PTPRN2: variants seen among roughly 807,000 people sequenced by gnomAD.
The protein encoded by PTPRN2 is protein tyrosine phosphatase receptor type N2.
In PTPRN2, 74 loss-of-function variants were observed where a neutral mutation model predicts 118.8. That is an observed-to-expected ratio of 0.62 (90% CI 0.52 to 0.76). PTPRN2 has a LOEUF of 0.76. Among genes scored for constraint, PTPRN2 ranks in the 30% least tolerant of loss-of-function variants. PTPRN2 has a pLI of 0.00. For synonymous variants in PTPRN2, 641 were observed against 608.0 expected, an observed-to-expected ratio of 1.05 and a Z score of -0.80; for missense variants, 1,481 against 1,394.4, an observed-to-expected ratio of 1.06 and a Z score of -0.99.
intron 1 of PTPRN2, among the ~76,000 whole-genome samples, chr7:158,499,992 C>A (rs1040353734): frequency 6.9e-6 from 1 of 145,390 alleles, no homozygotes; most frequent in African/African-American, 2.6e-5. Context: ...AAGACAAAAA[C>A]TGCTTCCTGG....
intron 13 of PTPRN2, chr7:157,669,424 C>T (rs1030493193): frequency 3.8e-5 from 16 of 417,836 alleles, no homozygotes; most frequent in African/African-American, 2.6e-4. Context: ...TGTTTGCACG[C>T]GCACACACAC....
chr7:157,851,529 C>T (rs1809274179), intron 12 of PTPRN2, among the ~76,000 whole-genome samples: 1 of 149,362 alleles, frequency 6.7e-6, no homozygotes. Flanking sequence ...TCCCTATCCG[C>T]TGTAAGAAAG....
At chr7:157,800,938 A>C (rs187149478) in intron 12 of PTPRN2, among the ~76,000 whole-genome samples, 1,857 of 151,650 alleles carry the variant, frequency 0.012, 39 homozygotes, top group African/African-American at 0.04. Flanking sequence ...GGCAACAGAG[A>C]GAGACTCCGT....
chr7:158,135,063 A>G (rs1049910067), intron 8 of PTPRN2, among the ~76,000 whole-genome samples: 1 of 152,122 alleles, frequency 6.6e-6, no homozygotes, highest in African/African-American at 2.4e-5. Context: ...ATACCAGGCA[A>G]CCCACGGACA....
At chr7:158,183,787 G>C (rs59914791) in intron 5 of PTPRN2, among the ~76,000 whole-genome samples, 23,765 of 152,154 alleles carry the variant, frequency 0.16, 1,950 homozygotes, top group Non-Finnish European at 0.17. Flanking sequence ...TCACAGTGTA[G>C]GCTGCAGCCT....
intron 12 of PTPRN2, among the ~76,000 whole-genome samples, chr7:157,884,430 G>A (rs74899104): frequency 0.015 from 2,236 of 152,286 alleles, 60 homozygotes; most frequent in African/African-American, 0.048. Flanking sequence ...GACGGCTCTC[G>A]TCACTGGAAA....
In PTPRN2 at chr7:157,715,336, T is replaced by C. The variant is rs562556330; in HGVS notation, c.1789-32399A>G. The stretch of plus-strand genomic sequence containing the variant: ...CCCCTCAGCAACCTACCAGCACAGA[T>C]GCAAGGACACTGGGGTGCCAGTCCC... On this transcript the variant is annotated intron_variant, in intron 12 of 22. Transcript: ENST00000389418. 1.6e-3 allele frequency among the ~76,000 whole-genome samples: 251 copies of C among 152,182 alleles called. 2 individuals carry two copies. Among genetic ancestry groups the C allele is most frequent in the African/African-American group, 5.5e-3 (228 of 41,506 alleles).
Position 157,831,076 on chromosome 7 carries a change from C to G in PTPRN2, c.1788+67597G>C, listed in dbSNP as rs1488522252. 6.6e-6 allele frequency among the ~76,000 whole-genome samples: 1 copy of G among 152,212 alleles called. No individual in the cohort carries two copies. The highest frequency in any genetic ancestry group is 2.4e-5 in the African/African-American group (1 of 41,456). ...TCTGGAGGAAGAGGGTGCAGGTGCT[C>G]ATTTTACTCTTCTTTCAACTTGTTT... On this transcript the variant is annotated intron_variant, in intron 12 of 22. Transcript: ENST00000389418. This position sits in a 1 kb window ranked among gnomAD's most constrained non-coding sequence, Gnocchi z 4.8.
intron 6 of PTPRN2, among the ~76,000 whole-genome samples, chr7:158,140,742 G>T (rs114563472): frequency 0.035 from 5,266 of 152,310 alleles, 302 homozygotes; most frequent in African/African-American, 0.12. Flanking sequence ...GCTGGTTCCA[G>T]GCCCACATGC....
chr7:158,041,591 T>C (rs1808476395), intron 11 of PTPRN2, among the ~76,000 whole-genome samples: 1 of 152,062 alleles, frequency 6.6e-6, no homozygotes, highest in Non-Finnish European at 1.5e-5. Context: ...TGAGCCAAGA[T>C]CTTGCCACTG....
intron 1 of PTPRN2, among the ~76,000 whole-genome samples, chr7:158,522,378 G>A: frequency 1.4e-5 from 2 of 143,228 alleles, no homozygotes; most frequent in African/African-American, 5.2e-5. Context: ...GGCTCGGGAG[G>A]GAGGTCCACG....
intron 11 of PTPRN2, among the ~76,000 whole-genome samples, chr7:158,074,050 C>A (rs1387322049): frequency 6.6e-6 from 1 of 152,196 alleles, no homozygotes; most frequent in Non-Finnish European, 1.5e-5. Flanking sequence ...CTGCCGTCCT[C>A]CCGTCAGTCT....
chr7:158,089,571 TGATGAAA>T (rs1813831817), intron 10 of PTPRN2, among the ~76,000 whole-genome samples: 1 of 120,076 alleles, frequency 8.3e-6, no homozygotes, highest in Non-Finnish European at 1.8e-5. Flanking sequence ...CTTCTTCCCC[TGATGAAA>T]GAGGGAGTCT....
chr7:158,153,723 G>T (rs1285800723), intron 6 of PTPRN2, among the ~76,000 whole-genome samples: 5 of 152,216 alleles, frequency 3.3e-5, no homozygotes, highest in Non-Finnish European at 7.3e-5. Context: ...AGAAGCCCGT[G>T]GTGTGCTCTG....
chr7:158,306,585 A>C (rs900639184), intron 3 of PTPRN2, among the ~76,000 whole-genome samples: 1 of 152,234 alleles, frequency 6.6e-6, no homozygotes, highest in Non-Finnish European at 1.5e-5. Flanking sequence ...TGATGAAAAA[A>C]CACAAACTTT....
At chr7:158,303,644 A>C (rs745473896) in intron 3 of PTPRN2, among the ~76,000 whole-genome samples, 5 of 152,262 alleles carry the variant, frequency 3.3e-5, no homozygotes, top group Non-Finnish European at 7.3e-5. Context: ...CAAGCTTCAG[A>C]GAGTGTTAGT....
rs1424998218 is a variant in PTPRN2, at chr7:158,095,171, C to G, written c.1644-13794G>C. On this transcript the variant is annotated intron_variant, in intron 10 of 22. Transcript: ENST00000389418. Reference sequence around the variant, plus strand: ...GCCCCAAAGCCTCCTGCAATCAGCTCATGCGCAACGTCTCTGACTGGAGAG... The same window carrying G: ...GCCCCAAAGCCTCCTGCAATCAGCTGATGCGCAACGTCTCTGACTGGAGAG... 2.0e-5 allele frequency among the ~76,000 whole-genome samples: 3 copies of G among 151,958 alleles called. No homozygotes were observed. In the East Asian group the frequency reaches 5.8e-4, roughly 30 times the overall value.
At chr7:158,109,274 T>C (rs1815985725) in intron 10 of PTPRN2, among the ~76,000 whole-genome samples, 1 of 139,188 alleles carries the variant, frequency 7.2e-6, no homozygotes, top group African/African-American at 2.8e-5. Flanking sequence ...AACTCCTGAG[T>C]GAAGGAGACA....
chr7:157,972,582 A>G (rs1477950680), intron 11 of PTPRN2, among the ~76,000 whole-genome samples: 2 of 23,088 alleles, frequency 8.7e-5, no homozygotes, highest in Non-Finnish European at 1.7e-4. Context: ...TTCAGAGACC[A>G]CGGGAACTCC....
Sources: gnomAD v4.1 joint callset for allele counts (sites outside exome capture counted in the v4.1 genomes callset) on GRCh38, gnomAD v4.1.1 for gene constraint, Gnocchi (gnomAD v3.1) non-coding constraint, MANE v1.5 for transcripts, NCBI Gene and HGNC (gene_info 2026-07-23, HGNC 2026-07-21) for gene names.